CNTN6: variants seen among roughly 807,000 people sequenced by gnomAD.
CNTN6 encodes the protein contactin 6, also known as contactin-6.
Under a neutral mutation model 122.8 loss-of-function variants are expected in CNTN6, and 137 were observed. The ratio of observed to expected loss-of-function variants is 1.12; its 90% confidence interval spans 0.97 to 1.29. CNTN6 has a LOEUF of 1.29. CNTN6 is among the 50% of genes most tolerant of loss of function. The pLI is 0.00. For missense variants in CNTN6, 1,634 were observed against 1,223.4 expected, an observed-to-expected ratio of 1.34 and a Z score of -5.01; for synonymous variants, 570 against 426.0, an observed-to-expected ratio of 1.34 and a Z score of -4.16.
intron 4 of CNTN6, among the ~76,000 whole-genome samples, chr3:1,263,939 A>T (rs2094887181): frequency 1.3e-5 from 2 of 151,762 alleles, no homozygotes; most frequent in Non-Finnish European, 2.9e-5. Flanking sequence ...GTCAAAAAGA[A>T]TCTAGAATGC....
chr3:1,227,659 A>G (rs945258810), intron 3 of CNTN6, among the ~76,000 whole-genome samples, 159 bp from the exon 4 acceptor site: 4 of 152,176 alleles, frequency 2.6e-5, no homozygotes, highest in Non-Finnish European at 5.9e-5. Context: ...CAAACCCACC[A>G]AGACAGCTAC....
intron 4 of CNTN6, among the ~76,000 whole-genome samples, chr3:1,232,551 G>A (rs185869252): frequency 6.6e-6 from 1 of 152,328 alleles, no homozygotes; most frequent in African/African-American, 2.4e-5. Flanking sequence ...TAGCTCCATT[G>A]ATCCTCACAA....
chr3:1,400,394 G>A lies in CNTN6; in HGVS notation c.2705-1039G>A, dbSNP rs577099677. On this transcript the variant is annotated intron_variant, in intron 20 of 22. Coordinates refer to ENST00000446702, the MANE Select transcript of CNTN6 (RefSeq NM_001289080.2). ...TCCCAACCTGGATTCTCGTTTTCTT[G>A]TATGTAAAATTCTCTAGTTGGACTA... is the stretch of plus-strand genomic sequence containing the variant. 1.4e-4 allele frequency among the ~76,000 whole-genome samples: 22 copies of A among 152,116 alleles called. No individual in the cohort carries two copies. In the South Asian group the frequency reaches 4.6e-3, roughly 32 times the overall value.
At chr3:1,292,392 T>C (rs1695475562) in intron 5 of CNTN6, among the ~76,000 whole-genome samples, 1 of 152,180 alleles carries the variant, frequency 6.6e-6, no homozygotes, top group African/African-American at 2.4e-5. Flanking sequence ...CTTGATAAAC[T>C]TGATATTTTT....
intron 1 of CNTN6, among the ~76,000 whole-genome samples, chr3:1,100,359 CAT>C (rs2090818526): frequency 6.6e-6 from 1 of 152,108 alleles, no homozygotes; most frequent in Non-Finnish European, 1.5e-5. Flanking sequence ...TAATTTTGCT[CAT>C]GAGGGGACTG....
chr3:1,097,476 C>T (rs1032341036), intron 1 of CNTN6, among the ~76,000 whole-genome samples: 10 of 152,122 alleles, frequency 6.6e-5, no homozygotes. Context: ...TTATAAAAAA[C>T]GAATGATCTT....
At chr3:1,291,539 A>G (rs562965419) in intron 5 of CNTN6, among the ~76,000 whole-genome samples, 29 of 152,318 alleles carry the variant, frequency 1.9e-4, no homozygotes, top group African/African-American at 7.0e-4. Context: ...TAGGCATTGA[A>G]TAAGGATCCG....
intron 12 of CNTN6, among the ~76,000 whole-genome samples, chr3:1,361,595 TA>T (rs1277288708): frequency 6.6e-6 from 1 of 152,094 alleles, no homozygotes; most frequent in African/African-American, 2.4e-5. Context: ...AGCTATTATC[TA>T]AAAACCTACT....
At chr3:1,336,800 C>T (rs145619946) in intron 11 of CNTN6, among the ~76,000 whole-genome samples, 2 of 152,272 alleles carry the variant, frequency 1.3e-5, no homozygotes, top group African/African-American at 4.8e-5. Context: ...ACCCACTGCA[C>T]TTCCACCTGC....
At chr3:1,103,376 T>A (rs1441761591) in intron 1 of CNTN6, among the ~76,000 whole-genome samples, 1 of 152,226 alleles carries the variant, frequency 6.6e-6, no homozygotes, top group African/African-American at 2.4e-5. Context: ...TTATAAAATA[T>A]AATTTTTTCA....
chr3:1,246,202 T>C (rs952045203), intron 4 of CNTN6, among the ~76,000 whole-genome samples: 2 of 152,174 alleles, frequency 1.3e-5, no homozygotes, highest in Non-Finnish European at 2.9e-5. Context: ...CTTCTAGTTA[T>C]GACATCCTCC....
intron 4 of CNTN6, among the ~76,000 whole-genome samples, chr3:1,235,199 A>C (rs2094405882): frequency 6.6e-6 from 1 of 152,124 alleles, no homozygotes; most frequent in South Asian, 2.1e-4. Context: ...AAGAGTTGGG[A>C]TGGGAGAGGA....
At chr3:1,227,160 G>A (rs2094295181) in intron 3 of CNTN6, among the ~76,000 whole-genome samples, 1 of 152,172 alleles carries the variant, frequency 6.6e-6, no homozygotes, top group African/African-American at 2.4e-5. Context: ...CTAAAGAATT[G>A]TTGACTAATA....
chr3:1,248,926 C>G (rs1160852632), intron 4 of CNTN6, among the ~76,000 whole-genome samples: 3 of 152,218 alleles, frequency 2.0e-5, no homozygotes, highest in Non-Finnish European at 4.4e-5. Context: ...TTAACCGCTT[C>G]CTTAATCATT....
intron 4 of CNTN6, among the ~76,000 whole-genome samples, chr3:1,248,850 C>G (rs758693806): frequency 6.6e-6 from 1 of 150,910 alleles, no homozygotes; most frequent in Non-Finnish European, 1.5e-5. Flanking sequence ...GAGAGAAACT[C>G]CATCTCAAAA....
chr3:1,338,991 A>G (rs1432855896), intron 11 of CNTN6, among the ~76,000 whole-genome samples: 1 of 152,134 alleles, frequency 6.6e-6, no homozygotes, highest in Non-Finnish European at 1.5e-5. Context: ...AGAAGAAATA[A>G]AAGCTGGAGT....
intron 2 of CNTN6, among the ~76,000 whole-genome samples, chr3:1,179,272 C>T (rs1033678988): frequency 3.0e-4 from 46 of 152,122 alleles, no homozygotes; most frequent in African/African-American, 1.1e-3. Context: ...AGGCCCACTT[C>T]CAACACTAAA....
intron 4 of CNTN6, among the ~76,000 whole-genome samples, chr3:1,248,005 T>C (rs2094605710): frequency 6.6e-6 from 1 of 152,162 alleles, no homozygotes; most frequent in Admixed American, 6.5e-5. Context: ...ATTTGTCAAA[T>C]TTTAAGTGAA....
chr3:1,385,845 A>G, intron 20 of CNTN6, 48 bp downstream of exon 20: 1 of 1,467,360 alleles, frequency 6.8e-7, no homozygotes, highest in Non-Finnish European at 9.1e-7. Context: ...GTGAAGAGCA[A>G]CCTATTCCTT....
Sources: gnomAD v4.1 joint callset for allele counts (sites outside exome capture counted in the v4.1 genomes callset) on GRCh38, gnomAD v4.1.1 for gene constraint, MANE v1.5 for transcripts, NCBI Gene and HGNC (gene_info 2026-07-23, HGNC 2026-07-21) for gene names.